CLTA: variants seen among roughly 807,000 people sequenced by gnomAD.
CLTA encodes the protein clathrin, light polypeptide (Lca).
In CLTA, 9 loss-of-function variants were observed where a neutral mutation model predicts 26.9. The observed-to-expected ratio is 0.33, with a 90% CI of 0.20 to 0.58. The LOEUF is 0.58. CLTA is among the 20% of genes least tolerant of loss of function. The pLI, the probability that CLTA is intolerant of heterozygous loss-of-function variation, is 0.85. For synonymous variants in CLTA, 120 were observed against 115.5 expected, an observed-to-expected ratio of 1.04 and a Z score of -0.25; for missense variants, 278 against 294.2, an observed-to-expected ratio of 0.94 and a Z score of 0.40.
chr9:36,204,717 A>C (rs775932484), intron 4 of CLTA, among the ~76,000 whole-genome samples: 1 of 152,304 alleles, frequency 6.6e-6, no homozygotes, highest in East Asian at 1.9e-4. Flanking sequence ...ACTTCTTAAA[A>C]ATGTTCTGTT....
chr9:36,204,498 C>T (rs1827604368), intron 4 of CLTA, among the ~76,000 whole-genome samples: 1 of 152,104 alleles, frequency 6.6e-6, no homozygotes, highest in African/African-American at 2.4e-5. Flanking sequence ...CATGAATACA[C>T]CCAGATCTAG....
At chr9:36,198,892 ACAG>A (rs1827231320) in intron 2 of CLTA, 84 bp from the exon 3 acceptor site, 10 of 835,654 alleles carry the variant, frequency 1.2e-5, no homozygotes, top group East Asian at 2.7e-5. Flanking sequence ...AAAAAAAAAA[ACAG>A]AACCAGGGGT....
rs1826655567 is a variant in CLTA at position 36,190,961 on chromosome 9, C to G, written c.-96C>G. The G allele has an allele frequency of 6.9e-7, 1 of 1,444,984 alleles. No individual in the cohort carries two copies. The highest frequency in any genetic ancestry group is 2.8e-5 in the Admixed American group (1 of 35,250). 89.5% of individuals were successfully genotyped at this position (1,444,984 alleles called of 1,614,324 possible). On this transcript the variant is annotated 5_prime_UTR_variant, in exon 1 of 5. Transcript: ENST00000345519. ...CCCTCCTGGCGCTTGTCCTCCTCTCCCAGTCGGCACCACAGCGGTGGCTGC... is the reference window on the plus strand; with the variant it reads ...CCCTCCTGGCGCTTGTCCTCCTCTCGCAGTCGGCACCACAGCGGTGGCTGC...
intron 4 of CLTA, chr9:36,209,450 T>A: frequency 1.4e-6 from 1 of 700,936 alleles, no homozygotes; most frequent in Non-Finnish European, 2.5e-6. Context: ...GGGGGCTGCC[T>A]AAGAATTGAT....
In CLTA at chr9:36,211,872, C is replaced by A. The variant is rs1828066401; in HGVS notation, c.*98C>A. 4.7e-6 allele frequency: 5 copies of A among 1,053,948 alleles called. No homozygotes were observed. Among genetic ancestry groups the A allele is most frequent in the Non-Finnish European group, 7.0e-6 (5 of 719,410 alleles). The allele number at this position is 1,053,948 out of a possible 1,614,324, so 65.3% of individuals were successfully genotyped here. ...ATTAATTATGTTGAGTTCTTTTGGA[C>A]CAAACCTTTTTGTCTTTAGAGTTGT... On this transcript the variant is annotated 3_prime_UTR_variant, in exon 5 of 5. Transcript: ENST00000345519.
rs765757524 is a variant in CLTA, at chr9:36,191,248, G to T, written c.192G>T (p.Pro64=). ...ACGGCGGCGCCCCCGGGCCCCAGCC[G>T]CACGGCGAGCCGCCGGGGGGTCCGG... The part of the protein sequence containing the change: ...ILDGGAPGPQ[P]HGEPPGGPDA... Residue 64 remains proline, a synonymous_variant, in exon 1 of 5, where the codon CCG becomes CCT. Coordinates refer to ENST00000345519, the MANE Select transcript of CLTA (RefSeq NM_001833.4). 4.6e-6 allele frequency: 7 copies of T among 1,531,188 alleles called. No homozygotes were observed. The highest frequency in any genetic ancestry group is 5.2e-6 in the Non-Finnish European group (6 of 1,143,668). The allele number at this position is 1,531,188 out of a possible 1,614,324, so 94.9% of individuals were successfully genotyped here.
intron 3 of CLTA, among the ~76,000 whole-genome samples, chr9:36,203,600 C>A (rs1009474403): frequency 3.3e-5 from 5 of 152,196 alleles, no homozygotes; most frequent in Non-Finnish European, 7.3e-5. Flanking sequence ...GGAATATGGA[C>A]TAGTTTGGGA....
intron 4 of CLTA, chr9:36,209,247 T>C (rs767516074): frequency 1.2e-6 from 2 of 1,613,906 alleles, no homozygotes; most frequent in Admixed American, 3.3e-5. Context: ...TGCCTGCCTT[T>C]TGGACCTCTT....
intron 1 of CLTA, among the ~76,000 whole-genome samples, chr9:36,191,581 A>G (rs1826723484): frequency 6.6e-6 from 1 of 152,190 alleles, no homozygotes; most frequent in Non-Finnish European, 1.5e-5. Flanking sequence ...CTGTGCCTTT[A>G]GTCCGGTCTC....
At chr9:36,211,368 C>T (rs527862249) in intron 4 of CLTA, among the ~76,000 whole-genome samples, 28 of 152,170 alleles carry the variant, frequency 1.8e-4, no homozygotes, top group Non-Finnish European at 5.9e-5. Flanking sequence ...ACATAGTGAG[C>T]CTTGAACCAA....
At chr9:36,208,581 G>A (rs540555310) in intron 4 of CLTA, among the ~76,000 whole-genome samples, 2 of 152,290 alleles carry the variant, frequency 1.3e-5, no homozygotes, top group South Asian at 4.1e-4. Flanking sequence ...TTAAAATGAC[G>A]ATATGTGTTC....
At chr9:36,193,409 C>T (rs1041572104) in intron 1 of CLTA, among the ~76,000 whole-genome samples, 2 of 151,482 alleles carry the variant, frequency 1.3e-5, no homozygotes, top group Admixed American at 6.6e-5. Context: ...TGATCTCAGA[C>T]AATGTATATA....
At chr9:36,194,870 G>A (rs376368937) in intron 1 of CLTA, among the ~76,000 whole-genome samples, 2 of 152,242 alleles carry the variant, frequency 1.3e-5, no homozygotes, top group South Asian at 4.1e-4. Context: ...AAGAATGTTA[G>A]TGCAGTAATA....
chr9:36,205,595 G>A (rs1212591232), intron 4 of CLTA, among the ~76,000 whole-genome samples: 2 of 152,180 alleles, frequency 1.3e-5, no homozygotes, highest in Middle Eastern at 3.4e-3. Flanking sequence ...TCTGTGATGC[G>A]TCAATAACTT....
intron 4 of CLTA, among the ~76,000 whole-genome samples, chr9:36,208,151 C>T (rs1274569695): frequency 6.6e-6 from 1 of 152,128 alleles, no homozygotes; most frequent in Non-Finnish European, 1.5e-5. Context: ...AATGTCTTTC[C>T]CCTTGCCCAC....
chr9:36,197,879 ATAAT>A (rs1363459822), intron 2 of CLTA, among the ~76,000 whole-genome samples: 1 of 152,202 alleles, frequency 6.6e-6, no homozygotes, highest in Non-Finnish European at 1.5e-5. Flanking sequence ...AATACTTTAA[ATAAT>A]TCTCCTTCCA....
rs777396445 is a variant in CLTA, at chr9:36,212,055, C to T, written c.*281C>T. ...TCTGAGAATAAATTTCTGTTTCAAA[C>T]TGTATTATGTGAAGCTTCTTTATTG... On this transcript the variant is annotated 3_prime_UTR_variant, in exon 5 of 5. Coordinates refer to ENST00000345519, the MANE Select transcript of CLTA (RefSeq NM_001833.4). The T allele has an allele frequency of 1.9e-6, 1 of 540,536 alleles. No homozygotes were observed. The highest frequency in any genetic ancestry group is 3.4e-6 in the Non-Finnish European group (1 of 290,916). 33.5% of individuals were successfully genotyped at this position (540,536 alleles called of 1,614,324 possible).
intron 2 of CLTA, among the ~76,000 whole-genome samples, chr9:36,197,794 C>G (rs16933046): frequency 6.6e-6 from 1 of 152,100 alleles, no homozygotes; most frequent in Admixed American, 6.6e-5. Flanking sequence ...ATTTACCTGC[C>G]CCTAGTGTTA....
In CLTA at chr9:36,191,078, G is replaced by A; in HGVS notation, c.22G>A (p.Gly8Ser). The A allele has an allele frequency of 6.3e-7, 1 of 1,581,994 alleles. No homozygotes were observed. The highest frequency in any genetic ancestry group is 8.5e-7 in the Non-Finnish European group (1 of 1,171,486). ...CGCCATGGCTGAGCTGGATCCGTTC[G>A]GCGCCCCTGCCGGCGCCCCTGGCGG... The part of the protein sequence containing the change: MAELDPF[G>S]APAGAPGGPA... The change falls in exon 1 of 5, where the codon GGC becomes AGC. Residue 8 changes from glycine (G) to serine (S), a missense_variant. Gly to Ser is a moderately conservative substitution (Grantham distance 56). Transcript: ENST00000345519.
Sources: gnomAD v4.1 joint callset for allele counts (sites outside exome capture counted in the v4.1 genomes callset) on GRCh38, gnomAD v4.1.1 for gene constraint, MANE v1.5 for transcripts, NCBI Gene and HGNC (gene_info 2026-07-23, HGNC 2026-07-21) for gene names.